LAMP3: variants seen among roughly 807,000 people sequenced by gnomAD.
LAMP3 encodes the protein lysosome-associated membrane glycoprotein 3.
In LAMP3, 26 loss-of-function variants were observed where a neutral mutation model predicts 34.8. The ratio of observed to expected loss-of-function variants is 0.75; its 90% CI spans 0.55 to 1.04. The LOEUF is 1.04. Among genes scored for constraint, LAMP3 ranks in the 50% least tolerant of loss-of-function variants. LAMP3 has a pLI of 0.00. For missense variants in LAMP3, 495 were observed against 524.0 expected (o/e 0.94, Z 0.54); for synonymous variants, 180 against 201.9 (o/e 0.89, Z 0.92).
At chr3:183,157,287 G>A (rs1490252922) in intron 1 of LAMP3, among the ~76,000 whole-genome samples, 5 of 152,110 alleles carry the variant, frequency 3.3e-5, no homozygotes, top group Admixed American at 3.3e-4. Flanking sequence ...TGATACTTGA[G>A]AGTGGTAGGT....
chr3:183,162,319 C>T (rs1412122313), intron 1 of LAMP3, among the ~76,000 whole-genome samples: 1 of 152,170 alleles, frequency 6.6e-6, no homozygotes, highest in Non-Finnish European at 1.5e-5. Context: ...ACTCCCATTC[C>T]TAAACCCTAG....
At chr3:183,146,123 C>G (rs1720432521) in intron 3 of LAMP3, among the ~76,000 whole-genome samples, 1 of 152,166 alleles carries the variant, frequency 6.6e-6, no homozygotes, top group South Asian at 2.1e-4. Flanking sequence ...TGGTTTTCAA[C>G]TGCACATGAT....
chr3:183,130,479 T>C (rs1001035195), intron 5 of LAMP3, among the ~76,000 whole-genome samples: 3 of 152,214 alleles, frequency 2.0e-5, no homozygotes, highest in Non-Finnish European at 4.4e-5. Context: ...CTTAATTTAA[T>C]TTCAAACTAT....
intron 1 of LAMP3, among the ~76,000 whole-genome samples, chr3:183,160,526 G>A (rs918653349): frequency 6.6e-6 from 1 of 152,142 alleles, no homozygotes; most frequent in Admixed American, 6.5e-5. Flanking sequence ...ACTGTGCCCA[G>A]CCAAGGCCAG....
intron 1 of LAMP3, chr3:183,158,160 T>A (rs1720874832): frequency 6.6e-6 from 1 of 152,242 alleles, no homozygotes. Flanking sequence ...GATAGGCAGG[T>A]GATTCAACTG....
At position 183,153,799 on chromosome 3, in the gene LAMP3, G is replaced by A. The variant is rs1354888632; in HGVS notation, c.642C>T (p.Pro214=). The A allele has an allele frequency of 6.3e-7, 1 of 1,590,794 alleles. No individual in the cohort carries two copies. The highest frequency in any genetic ancestry group is 1.2e-5 in the South Asian group (1 of 85,618). The change falls in exon 2 of 6, where the codon CCC becomes CCT. Residue 214 remains proline, a synonymous_variant. Coordinates refer to ENST00000265598, the MANE Select transcript of LAMP3 (RefSeq NM_014398.4). ...CTGACGATGGCTGAGGTGCAAGGGTGGGCCCAGGAACCGTGGAGGCAGGTG... is the reference window on the plus strand; with the variant it reads ...CTGACGATGGCTGAGGTGCAAGGGTAGGCCCAGGAACCGTGGAGGCAGGTG... ...TAAPASTVPG[P]TLAPQPSSVK...
At chr3:183,135,692 G>C (rs1446071877) in intron 5 of LAMP3, 25 bp downstream of exon 5, 2 of 1,610,420 alleles carry the variant, frequency 1.2e-6, no homozygotes, top group Non-Finnish European at 1.7e-6. Flanking sequence ...GTGTATGTTT[G>C]CAACCTGATC....
chr3:183,128,492 T>C (rs921372959), intron 5 of LAMP3, among the ~76,000 whole-genome samples: 17 of 152,244 alleles, frequency 1.1e-4, no homozygotes, highest in Non-Finnish European at 2.1e-4. Context: ...CTGGCCCCTA[T>C]TGATGGACCC....
chr3:183,135,931 C>T (rs767818801), intron 4 of LAMP3, 44 bp from the exon 5 acceptor site: 5 of 1,492,574 alleles, frequency 3.3e-6, no homozygotes, highest in South Asian at 1.1e-5. Flanking sequence ...TGAGATGTAA[C>T]CGCTGAGCTC....
chr3:183,162,412 A>T (rs1721004475), intron 1 of LAMP3, among the ~76,000 whole-genome samples, 195 bp downstream of exon 1: 1 of 152,112 alleles, frequency 6.6e-6, no homozygotes, highest in Non-Finnish European at 1.5e-5. Context: ...GAAGCGAGGG[A>T]CAGTGTCACT....
intron 3 of LAMP3, among the ~76,000 whole-genome samples, chr3:183,147,575 G>A (rs576407677): frequency 1.2e-4 from 18 of 151,604 alleles, no homozygotes; most frequent in South Asian, 1.0e-3. Flanking sequence ...ATCAAAACTG[G>A]TAAAATAAAA....
intron 5 of LAMP3, among the ~76,000 whole-genome samples, chr3:183,135,190 G>A (rs913526069): frequency 6.6e-6 from 1 of 152,220 alleles, no homozygotes; most frequent in Admixed American, 6.5e-5. Flanking sequence ...AGGAAACACT[G>A]TTGGGTGTGA....
At chr3:183,124,721 A>G (rs1487647694) in intron 5 of LAMP3, among the ~76,000 whole-genome samples, 1 of 152,122 alleles carries the variant, frequency 6.6e-6, no homozygotes, top group East Asian at 1.9e-4. Context: ...AATCCCAGCT[A>G]CTCGGGAGGC....
chr3:183,161,574 A>T (rs189717097), intron 1 of LAMP3, among the ~76,000 whole-genome samples: 1 of 151,978 alleles, frequency 6.6e-6, no homozygotes, highest in East Asian at 1.9e-4. Flanking sequence ...TATTTTTAGT[A>T]GAGGCGGGGT....
In LAMP3 at chr3:183,123,866, C is replaced by T. The variant is rs1719722589; in HGVS notation, c.*215G>A. 7.8e-6 allele frequency: 4 copies of T among 514,252 alleles called. No homozygotes were observed. The South Asian group carries it at 9.6e-5, about 12-fold the overall frequency. 31.9% of individuals were successfully genotyped at this position (514,252 alleles called of 1,614,324 possible). A position where few individuals can be genotyped will look rare whatever the true frequency, so the allele number is the denominator to read the frequency against. On this transcript the variant is annotated 3_prime_UTR_variant, in exon 6 of 6. Coordinates refer to ENST00000265598, the MANE Select transcript of LAMP3 (RefSeq NM_014398.4). ...ATTCTAAAGGAAACTAGAAAATAAA[C>T]AGCTCACTATATCTTTCATAAAATA... is the stretch of plus-strand genomic sequence containing the variant.
chr3:183,138,269 T>A (rs1720162340), intron 4 of LAMP3, among the ~76,000 whole-genome samples: 1 of 152,212 alleles, frequency 6.6e-6, no homozygotes, highest in Non-Finnish European at 1.5e-5. Context: ...TTAACATATA[T>A]GAAAATGAGT....
At chr3:183,162,016 C>T in intron 1 of LAMP3, 1 of 984,334 alleles carries the variant, frequency 1.0e-6, no homozygotes, top group East Asian at 1.1e-4. Flanking sequence ...GGAGACAGTT[C>T]TCTCATGACG....
intron 1 of LAMP3, among the ~76,000 whole-genome samples, chr3:183,155,624 A>G (rs1720801040): frequency 6.6e-6 from 1 of 152,232 alleles, no homozygotes; most frequent in South Asian, 2.1e-4. Flanking sequence ...ATGGTATTCA[A>G]ATATTTAACA....
At chr3:183,140,690 T>C in intron 3 of LAMP3, 95 bp from the exon 4 acceptor site, 1 of 837,596 alleles carries the variant, frequency 1.2e-6, no homozygotes, top group South Asian at 1.5e-5. Context: ...AGCTATTAAA[T>C]CTGGATATAA....
Sources: allele counts gnomAD v4.1 joint callset (sites outside exome capture counted in the v4.1 genomes callset), GRCh38; gene constraint gnomAD v4.1.1; transcripts MANE v1.5; gene names NCBI Gene and HGNC (gene_info 2026-07-23, HGNC 2026-07-21).